Variants in RBFOX1 observed in about 807,000 individuals in gnomAD.
RBFOX1 encodes RNA binding protein fox-1 homolog 1.
A neutral mutation model predicts 57.7 loss-of-function variants in RBFOX1; 8 were observed. The observed-to-expected ratio is 0.14, with a 90% CI of 0.08 to 0.25. The LOEUF (loss-of-function observed/expected upper bound fraction) is 0.25. RBFOX1 is among the 10% of genes least tolerant of loss of function. The pLI, the probability that RBFOX1 is intolerant of heterozygous loss-of-function variation, is 1.00. For synonymous variants in RBFOX1, 326 were observed against 222.4 expected (o/e 1.47, Z -4.15); for missense variants, 611 against 548.5 (o/e 1.11, Z -1.14).
chr16:5,873,335 C>T (rs149069631), intron 4 of RBFOX1, among the ~76,000 whole-genome samples: 309 of 152,282 alleles, frequency 2.0e-3, no homozygotes, highest in African/African-American at 7.1e-3. Flanking sequence ...AGTTAATGGC[C>T]CTCTTGTCTC....
chr16:6,829,814 C>A (rs2092568078), intron 3 of RBFOX1, among the ~76,000 whole-genome samples: 1 of 152,194 alleles, frequency 6.6e-6, no homozygotes, highest in African/African-American at 2.4e-5. Context: ...GTTGGCCAGG[C>A]TGGTATCGAA....
intron 2 of RBFOX1, among the ~76,000 whole-genome samples, chr16:5,593,996 C>G (rs1254632088): frequency 1.3e-5 from 2 of 152,114 alleles, no homozygotes; most frequent in African/African-American, 4.8e-5. Context: ...ATCCTGCCCC[C>G]ACACCTTCTG....
At chr16:6,351,859 T>G (rs1004607853) in intron 2 of RBFOX1, among the ~76,000 whole-genome samples, 4 of 152,212 alleles carry the variant, frequency 2.6e-5, no homozygotes, top group African/African-American at 9.6e-5. Flanking sequence ...ACGTCTGACC[T>G]CATTTATTTT....
At chr16:5,468,990 G>C (rs2069043256) in intron 2 of RBFOX1, among the ~76,000 whole-genome samples, 1 of 152,206 alleles carries the variant, frequency 6.6e-6, no homozygotes, top group Non-Finnish European at 1.5e-5. Flanking sequence ...CTCTTGGTAG[G>C]TGTCTGCCCG....
intron 3 of RBFOX1, among the ~76,000 whole-genome samples, chr16:6,842,295 TC>T (rs2093517728): frequency 6.6e-6 from 1 of 150,378 alleles, no homozygotes; most frequent in Non-Finnish European, 1.5e-5. Context: ...AAAACAACTT[TC>T]TTAATTATTT....
At chr16:6,997,497 A>G (rs1256335531) in intron 3 of RBFOX1, among the ~76,000 whole-genome samples, 1 of 152,218 alleles carries the variant, frequency 6.6e-6, no homozygotes, top group Non-Finnish European at 1.5e-5. Flanking sequence ...TTTAATTTGT[A>G]TCTTTTAATT....
At chr16:5,710,362 C>A (rs920537164) in intron 3 of RBFOX1, among the ~76,000 whole-genome samples, 12 of 152,174 alleles carry the variant, frequency 7.9e-5, no homozygotes, top group Admixed American at 2.0e-4. Context: ...TGGCTGCCTT[C>A]TCCTGCTAGT....
intron 14 of RBFOX1, among the ~76,000 whole-genome samples, chr16:7,701,451 C>G (rs2080698109): frequency 6.6e-6 from 1 of 152,170 alleles, no homozygotes; most frequent in East Asian, 1.9e-4. Context: ...TGTGAGGCAT[C>G]TAGGTTGCAC....
chr16:6,226,796 T>C (rs1444045686), intron 1 of RBFOX1, among the ~76,000 whole-genome samples: 1 of 152,016 alleles, frequency 6.6e-6, no homozygotes, highest in African/African-American at 2.4e-5. Context: ...GTGTTTCCTG[T>C]GATAATTCAA....
chr16:7,122,800 C>G (rs976169639), intron 4 of RBFOX1, among the ~76,000 whole-genome samples: 2 of 152,132 alleles, frequency 1.3e-5, no homozygotes, highest in African/African-American at 2.4e-5. Flanking sequence ...CCCCTAGAAA[C>G]AAGCCATATG....
chr16:5,305,312 G>C (rs980944111), intron 1 of RBFOX1, among the ~76,000 whole-genome samples: 1 of 152,088 alleles, frequency 6.6e-6, no homozygotes, highest in Non-Finnish European at 1.5e-5. Context: ...CTTTTATTGT[G>C]ATCAGCAACA....
At chr16:7,184,364 T>C (rs151235914) in intron 4 of RBFOX1, among the ~76,000 whole-genome samples, 1 of 152,304 alleles carries the variant, frequency 6.6e-6, no homozygotes, top group Non-Finnish European at 1.5e-5. Flanking sequence ...AAAAAACAGA[T>C]GCAAGTGCAA....
chr16:6,425,845 A>AATTTACATAG (rs1194364684), intron 2 of RBFOX1, among the ~76,000 whole-genome samples: 1 of 152,176 alleles, frequency 6.6e-6, no homozygotes, highest in East Asian at 1.9e-4. Context: ...ATGGAGGGAA[A>AATTTACATAG]ATTTACATAG....
At chr16:7,059,680 C>G (rs1378912943) in intron 4 of RBFOX1, among the ~76,000 whole-genome samples, 2 of 152,192 alleles carry the variant, frequency 1.3e-5, no homozygotes, top group Admixed American at 1.3e-4. Flanking sequence ...TGTCCCATCT[C>G]TTTATAAAGC....
At chr16:6,304,537 G>C (rs1400555908) in intron 1 of RBFOX1, among the ~76,000 whole-genome samples, 1 of 152,026 alleles carries the variant, frequency 6.6e-6, no homozygotes, top group African/African-American at 2.4e-5. Flanking sequence ...GCCTGAGGAG[G>C]GGAGACGAAT....
At chr16:5,809,799 A>T (rs2055356458) in intron 3 of RBFOX1, among the ~76,000 whole-genome samples, 1 of 152,180 alleles carries the variant, frequency 6.6e-6, no homozygotes, top group Admixed American at 6.5e-5. Flanking sequence ...TAGAAATACC[A>T]TTTGACCCAG....
chr16:5,578,843 C>A (rs71390672), intron 2 of RBFOX1, among the ~76,000 whole-genome samples: 3 of 79,812 alleles, frequency 3.8e-5, no homozygotes, highest in African/African-American at 7.9e-5. Flanking sequence ...ACACACACAC[C>A]CTTTTTTTTT....
rs138536119 is a variant in RBFOX1 at position 6,075,327 on chromosome 16, T to C, written c.-127+55335T>C. On this transcript the variant is annotated intron_variant, in intron 1 of 15. Transcript: ENST00000550418. ...GGGAGGTGGAAAATAAATAGAGAAA[T>C]ACTCATTTATTCATCTGTTTAACAA... Among the ~76,000 whole-genome samples, 699 of 152,314 alleles carry C rather than the reference T, an allele frequency of 4.6e-3. 6 individuals carry two copies. The highest frequency in any genetic ancestry group is 0.016 in the African/African-American group (653 of 41,582).
intron 10 of RBFOX1, among the ~76,000 whole-genome samples, chr16:7,623,423 C>T (rs879163163): frequency 3.9e-5 from 6 of 152,086 alleles, no homozygotes; most frequent in African/African-American, 7.2e-5. Context: ...TGTCTGGGAG[C>T]GATGGGAGGC....
Sources: gnomAD v4.1 joint callset for allele counts (sites outside exome capture counted in the v4.1 genomes callset) on GRCh38, gnomAD v4.1.1 for gene constraint, MANE v1.5 for transcripts, NCBI Gene and HGNC (gene_info 2026-07-23, HGNC 2026-07-21) for gene names.